The following LUC7L2 variants were observed in gnomAD, a reference collection of about 807,000 sequenced individuals.
LUC7L2 encodes the protein LUC7 like 2, pre-mRNA splicing factor.
LUC7L2 carries 25 observed loss-of-function variants against 52.8 expected under a neutral mutation model. The observed-to-expected ratio is 0.47, with a 90% CI of 0.34 to 0.66. LUC7L2 has a LOEUF of 0.66. Ranked by LOEUF, LUC7L2 falls within the 30% of genes least tolerant of loss-of-function variation. The probability of loss-of-function intolerance (pLI) is 0.01; values close to 1 mark genes in which losing one functional copy is unlikely to be tolerated. For synonymous variants in LUC7L2, 144 were observed against 160.9 expected, an observed-to-expected ratio of 0.89 and a Z score of 0.80; for missense variants, 328 against 497.8, an observed-to-expected ratio of 0.66 and a Z score of 3.25.
chr7:139,345,624 G>A (rs1460903671), intron 1 of LUC7L2: 1 of 1,614,204 alleles, frequency 6.2e-7, no homozygotes, highest in Non-Finnish European at 8.5e-7. Context: ...TGGCAAGGGT[G>A]AGCGCTCGGT....
intron 2 of LUC7L2, among the ~76,000 whole-genome samples, chr7:139,391,964 C>T (rs1794468392): frequency 6.6e-6 from 1 of 152,114 alleles, no homozygotes; most frequent in Non-Finnish European, 1.5e-5. Context: ...AAAGTTCAAA[C>T]AACCCTCATA....
chr7:139,381,697 C>T (rs1275214727), intron 2 of LUC7L2, among the ~76,000 whole-genome samples: 2 of 151,984 alleles, frequency 1.3e-5, no homozygotes, highest in African/African-American at 4.8e-5. Context: ...CTACCCCAGC[C>T]TCCCAAGTAG....
intron 1 of LUC7L2, chr7:139,341,140 T>G: frequency 2.1e-6 from 1 of 473,522 alleles, no homozygotes; most frequent in Non-Finnish European, 3.4e-6. Context: ...CCCAAACCCT[T>G]GTTCTGGGTT....
chr7:139,367,434 A>G (rs956421598), intron 1 of LUC7L2, among the ~76,000 whole-genome samples: 1 of 152,240 alleles, frequency 6.6e-6, no homozygotes, highest in Non-Finnish European at 1.5e-5. Context: ...GACTCTTGTC[A>G]CTTAGGGTTC....
At chr7:139,358,143 A>C (rs1411836821), upstream of LUC7L2, among the ~76,000 whole-genome samples, 2 of 151,804 alleles carry the variant, frequency 1.3e-5, no homozygotes, top group Admixed American at 1.3e-4. Flanking sequence ...AGTAGCTGGG[A>C]TTACAGGCAC....
Position 139,407,262 on chromosome 7 carries a change from A to C in LUC7L2, c.599A>C (p.His200Pro). ...CEVCSAYLGL[H>P]DNDRRLADHF... ...GTCTGCTCTGCCTATTTAGGACTTC[A>C]TGATAATGACAGACGACTGGCTGAT... is the stretch of plus-strand genomic sequence containing the variant. Residue 200 changes from histidine (H) to proline (P), a missense_variant, in exon 6 of 10, where the codon CAT becomes CCT. Coordinates refer to ENST00000354926, the MANE Select transcript of LUC7L2 (RefSeq NM_016019.5). 1 of 1,613,022 alleles carries C rather than the reference A, an allele frequency of 6.2e-7. No homozygotes were observed. Among genetic ancestry groups the C allele is most frequent in the Non-Finnish European group, 8.5e-7 (1 of 1,179,312 alleles).
rs79234997 is a variant in LUC7L2, at chr7:139,391,588, T to C, written c.157-7011T>C. Among the ~76,000 whole-genome samples the C allele has an allele frequency of 4.3e-3, 660 of 152,214 alleles. 15 individuals are homozygous for C. The East Asian group carries it at 0.073, about 17-fold the overall frequency. Reference sequence around the variant, plus strand: ...TTTTTTTCTCTAAAATTAAATTGGCTTCTTTTTTTTTGGTGGGGGGGACAG... The same window carrying C: ...TTTTTTTCTCTAAAATTAAATTGGCCTCTTTTTTTTTGGTGGGGGGGACAG... On this transcript the variant is annotated intron_variant, in intron 2 of 9. Coordinates refer to ENST00000354926, the MANE Select transcript of LUC7L2 (RefSeq NM_016019.5).
intron 1 of LUC7L2, among the ~76,000 whole-genome samples, chr7:139,364,942 TGAA>T (rs1459840252): frequency 6.6e-6 from 1 of 152,254 alleles, no homozygotes; most frequent in East Asian, 1.9e-4. Flanking sequence ...TCATTTTAAG[TGAA>T]GGAGGCGGAG....
At chr7:139,394,461 A>G (rs7795520) in intron 2 of LUC7L2, among the ~76,000 whole-genome samples, 58,569 of 152,100 alleles carry the variant, frequency 0.39, 15,758 homozygotes, top group African/African-American at 0.77. Context: ...TTCTTAGTCT[A>G]CATAGTTGCT....
chr7:139,422,354 T>C lies in LUC7L2; in HGVS notation c.*14T>C, dbSNP rs1585145271. ...GGGGAGATCTAACTAGCTGTGTACA[T>C]TTCTTCAGTCCTTAAGCTTCCTACG... is the stretch of plus-strand genomic sequence containing the variant. On this transcript the variant is annotated 3_prime_UTR_variant, in exon 10 of 10. Coordinates refer to ENST00000354926, the MANE Select transcript of LUC7L2 (RefSeq NM_016019.5). 4 of 1,601,550 alleles carry C rather than the reference T, an allele frequency of 2.5e-6. No homozygotes were observed. Among genetic ancestry groups the C allele is most frequent in the East Asian group, 2.2e-5 (1 of 44,788 alleles).
At chr7:139,390,022 A>G (rs1794363953) in intron 2 of LUC7L2, among the ~76,000 whole-genome samples, 1 of 152,166 alleles carries the variant, frequency 6.6e-6, no homozygotes, top group Non-Finnish European at 1.5e-5. Flanking sequence ...TTGGTGTGGC[A>G]TGCACATGTA....
chr7:139,351,770 T>A (rs1194498628), intron 1 of LUC7L2, among the ~76,000 whole-genome samples: 1 of 152,248 alleles, frequency 6.6e-6, no homozygotes, highest in Non-Finnish European at 1.5e-5. Flanking sequence ...CTTCTTCCAA[T>A]CATACTCCCC....
intron 2 of LUC7L2, among the ~76,000 whole-genome samples, chr7:139,380,795 C>T (rs1015598902): frequency 1.3e-5 from 2 of 152,242 alleles, no homozygotes; most frequent in South Asian, 2.1e-4. Flanking sequence ...CAACACATTT[C>T]TTCTGGTACG....
intron 1 of LUC7L2, among the ~76,000 whole-genome samples, chr7:139,350,357 A>G (rs1032302387): frequency 2.2e-4 from 34 of 151,886 alleles, no homozygotes; most frequent in Admixed American, 6.6e-4. Context: ...TCCTGACCTC[A>G]TGATCCACCC....
At chr7:139,358,854 T>C (rs531996215), upstream of LUC7L2, among the ~76,000 whole-genome samples, 1 of 152,288 alleles carries the variant, frequency 6.6e-6, no homozygotes, top group South Asian at 2.1e-4. Flanking sequence ...CTAATTTTTA[T>C]ATTTTTAGTA....
At chr7:139,360,426 G>C (rs1476941451) in intron 1 of LUC7L2, 104 bp downstream of exon 1, 1 of 1,071,868 alleles carries the variant, frequency 9.3e-7, no homozygotes, top group African/African-American at 1.6e-5. Flanking sequence ...TGAGTAAGGG[G>C]CTCCCAGATT....
At chr7:139,349,073 G>T (rs1056996374) in intron 1 of LUC7L2, among the ~76,000 whole-genome samples, 1 of 152,138 alleles carries the variant, frequency 6.6e-6, no homozygotes, top group Non-Finnish European at 1.5e-5. Flanking sequence ...AGAATTGTTT[G>T]AACCCGGGAG....
At chr7:139,411,021 A>G (rs1330945190) in intron 7 of LUC7L2, among the ~76,000 whole-genome samples, 2 of 152,178 alleles carry the variant, frequency 1.3e-5, no homozygotes, top group East Asian at 3.8e-4. Flanking sequence ...GTGTATAGTA[A>G]GTCCTTATGG....
intron 2 of LUC7L2, among the ~76,000 whole-genome samples, chr7:139,390,552 A>G (rs1458327403): frequency 7.5e-6 from 1 of 132,542 alleles, no homozygotes; most frequent in East Asian, 2.2e-4. Context: ...TACTTAGACA[A>G]TGTAGTTTTT....
Sources: gnomAD v4.1 joint callset for allele counts (sites outside exome capture counted in the v4.1 genomes callset) on GRCh38, gnomAD v4.1.1 for gene constraint, MANE v1.5 for transcripts, NCBI Gene and HGNC (gene_info 2026-07-23, HGNC 2026-07-21) for gene names.